ZNF423: variants seen among roughly 807,000 people sequenced by gnomAD.
The protein encoded by ZNF423 is Ebf-associated zinc finger protein.
ZNF423 carries 12 observed loss-of-function variants against 95.8 expected under a neutral mutation model. That is an observed-to-expected ratio of 0.13 (90% CI 0.08 to 0.20). The LOEUF (loss-of-function observed/expected upper bound fraction) is 0.20. Among genes scored for constraint, ZNF423 ranks in the 10% least tolerant of loss-of-function variants. The pLI is 1.00. For missense variants in ZNF423, 1,316 were observed against 1,737.1 expected, an observed-to-expected ratio of 0.76 and a Z score of 4.31; for synonymous variants, 749 against 711.9, an observed-to-expected ratio of 1.05 and a Z score of -0.83.
intron 5 of ZNF423, among the ~76,000 whole-genome samples, chr16:49,597,436 T>C (rs1567493244): frequency 6.6e-6 from 1 of 152,242 alleles, no homozygotes. Context: ...TCATTCATAA[T>C]TTTTAAGTTG....
rs1166303747 is a variant in ZNF423, at chr16:49,603,423, T to A, written c.3601+22747A>T. 6.6e-6 allele frequency among the ~76,000 whole-genome samples: 1 copy of A among 152,170 alleles called. No homozygotes were observed. The highest frequency in any genetic ancestry group is 1.5e-5 in the Non-Finnish European group (1 of 68,036). On this transcript the variant is annotated intron_variant, in intron 5 of 7. Transcript: ENST00000563137. This position sits in a 1 kb window ranked among gnomAD's most constrained non-coding sequence, Gnocchi z 4.1. ...ACTGTCACTGTCTAGATTTTTTTTT[T>A]CTTCAGACGAAGTCTCACTCTTGTC...
At chr16:49,591,895 G>C (rs762658934) in intron 5 of ZNF423, among the ~76,000 whole-genome samples, 2 of 152,212 alleles carry the variant, frequency 1.3e-5, no homozygotes, top group Non-Finnish European at 2.9e-5. Context: ...GTGGTCCTCT[G>C]GGGGCTGGGA....
chr16:49,607,069 A>AAT (rs529636813), intron 5 of ZNF423, among the ~76,000 whole-genome samples: 10 of 141,054 alleles, frequency 7.1e-5, no homozygotes, highest in African/African-American at 2.4e-4. Flanking sequence ...AATGTTTTGG[A>AAT]TTTTTTTTTT....
In ZNF423 at chr16:49,537,164, C is replaced by T. The variant is rs1015238368; in HGVS notation, c.3602-11670G>A. ...AAAGTGGGTAAGAATATGACGAACACAGGAACACTGCAGAGCCATGAAGTT... is the reference window on the plus strand; with the variant it reads ...AAAGTGGGTAAGAATATGACGAACATAGGAACACTGCAGAGCCATGAAGTT... On this transcript the variant is annotated intron_variant, in intron 5 of 7. Coordinates refer to ENST00000563137, the MANE Select transcript of ZNF423 (RefSeq NM_001379286.1). 3.3e-5 allele frequency among the ~76,000 whole-genome samples: 5 copies of T among 152,190 alleles called. No homozygotes were observed. In the South Asian group the frequency reaches 6.2e-4, roughly 19 times the overall value.
At chr16:49,815,910 ATATATTTTTTT>A (rs2034845366) in intron 1 of ZNF423, among the ~76,000 whole-genome samples, 4 of 40,538 alleles carry the variant, frequency 9.9e-5, no homozygotes, top group African/African-American at 4.2e-4. Flanking sequence ...ATATATATAT[ATATATTTTTTT>A]TTTTTTTTTT....
chr16:49,641,549 G>A (rs1972977183), intron 3 of ZNF423, among the ~76,000 whole-genome samples: 1 of 152,168 alleles, frequency 6.6e-6, no homozygotes, highest in Non-Finnish European at 1.5e-5. Context: ...CTTGTCCCTA[G>A]GACAAGCCTG....
intron 2 of ZNF423, among the ~76,000 whole-genome samples, chr16:49,773,687 G>A (rs967006609): frequency 1.3e-5 from 2 of 152,234 alleles, no homozygotes; most frequent in Non-Finnish European, 2.9e-5. Context: ...TGGAATCTGT[G>A]CTATAGTGCA....
At chr16:49,654,671 G>C (rs1442673187) in intron 3 of ZNF423, among the ~76,000 whole-genome samples, 1 of 152,238 alleles carries the variant, frequency 6.6e-6, no homozygotes, top group Non-Finnish European at 1.5e-5. Flanking sequence ...CCCATTGGTA[G>C]GACCCGTGAT....
rs539118006 is a variant in ZNF423, at chr16:49,793,323, C to T, written c.41-3777G>A. Among the ~76,000 whole-genome samples, 571 of 152,248 alleles carry T rather than the reference C, an allele frequency of 3.8e-3. 1 individual carries two copies. The highest frequency in any genetic ancestry group is 5.4e-3 in the Non-Finnish European group (364 of 68,012). ...AGGCACTCTCTGGGGGCCCAAGCAG[C>T]GAGCCCCCAACATCCCTAAGAGGGA... On this transcript the variant is annotated intron_variant, in intron 1 of 7. Coordinates refer to ENST00000563137, the MANE Select transcript of ZNF423 (RefSeq NM_001379286.1).
At chr16:49,662,590 A>G (rs998206746) in intron 3 of ZNF423, among the ~76,000 whole-genome samples, 47 of 152,226 alleles carry the variant, frequency 3.1e-4, no homozygotes, top group Non-Finnish European at 5.0e-4. Context: ...CTTACAATGC[A>G]AAGAGAGGAG....
At chr16:49,665,365 C>G (rs915796715) in intron 3 of ZNF423, among the ~76,000 whole-genome samples, 1 of 152,104 alleles carries the variant, frequency 6.6e-6, no homozygotes, top group Non-Finnish European at 1.5e-5. Context: ...CTGTGGAGCT[C>G]GCAGCCTAGG....
At chr16:49,724,345 C>T (rs2032948428) in intron 3 of ZNF423, among the ~76,000 whole-genome samples, 4 of 152,158 alleles carry the variant, frequency 2.6e-5, no homozygotes, top group East Asian at 1.9e-4. Context: ...AGATAGGGGG[C>T]GGATATCAAT....
At chr16:49,813,888 G>A (rs538081385) in intron 1 of ZNF423, among the ~76,000 whole-genome samples, 4 of 152,226 alleles carry the variant, frequency 2.6e-5, no homozygotes, top group African/African-American at 4.8e-5. Context: ...GGGGCCAGGG[G>A]TCCACATCCG....
chr16:49,535,055 A>C (rs1969006945), intron 5 of ZNF423, among the ~76,000 whole-genome samples: 1 of 152,204 alleles, frequency 6.6e-6, no homozygotes, highest in African/African-American at 2.4e-5. Context: ...TGACTGAGTC[A>C]GGGGCGTGAT....
chr16:49,773,651 T>C (rs34664745), intron 2 of ZNF423, among the ~76,000 whole-genome samples: 28,516 of 152,162 alleles, frequency 0.19, 2,739 homozygotes, highest in South Asian at 0.26. Context: ...TAGGCATATG[T>C]TGTTGTCAGC....
chr16:49,512,189 G>C (rs185641025), intron 7 of ZNF423, among the ~76,000 whole-genome samples: 101 of 152,322 alleles, frequency 6.6e-4, no homozygotes, highest in African/African-American at 2.4e-3. Flanking sequence ...CCTATGCACA[G>C]CTGGCACAGA....
At position 49,855,444 on chromosome 16, in the gene ZNF423, C is replaced by G. The variant is rs1415795262; in HGVS notation, c.40+291G>C. Among the ~76,000 whole-genome samples the G allele has an allele frequency of 6.6e-6, 1 of 151,144 alleles. No homozygotes were observed. The highest frequency in any genetic ancestry group is 2.4e-5 in the African/African-American group (1 of 41,092). On this transcript the variant is annotated intron_variant, in intron 1 of 7. Transcript: ENST00000563137. This position sits in a 1 kb window ranked among gnomAD's most constrained non-coding sequence, Gnocchi z 4.7. ...GGCAAGGGCCCCTTAGCGGCGCCCC[C>G]AGGCCTGGGTCCCCCAAGGGCGACG...
intron 5 of ZNF423, among the ~76,000 whole-genome samples, chr16:49,601,733 C>G (rs1971380170): frequency 6.6e-6 from 1 of 152,238 alleles, no homozygotes; most frequent in South Asian, 2.1e-4. Flanking sequence ...GCTCAGTCAG[C>G]CTGTGGTCCC....
At chr16:49,752,381 C>G (rs2033648963) in intron 2 of ZNF423, among the ~76,000 whole-genome samples, 1 of 152,274 alleles carries the variant, frequency 6.6e-6, no homozygotes, top group Non-Finnish European at 1.5e-5. Flanking sequence ...TGCATAACCA[C>G]CTGGGCATCC....
Sources: gnomAD v4.1 joint callset for allele counts (sites outside exome capture counted in the v4.1 genomes callset) on GRCh38, gnomAD v4.1.1 for gene constraint, Gnocchi (gnomAD v3.1) non-coding constraint, MANE v1.5 for transcripts, NCBI Gene and HGNC (gene_info 2026-07-23, HGNC 2026-07-21) for gene names.